Variants in SERBP1 observed in about 807,000 individuals in gnomAD.
SERBP1 encodes SERPINE1 mRNA-binding protein 1.
Under a neutral mutation model 50.2 loss-of-function variants are expected in SERBP1, and 6 were observed. The observed-to-expected ratio is 0.12, with a 90% confidence interval of 0.07 to 0.24. The LOEUF (loss-of-function observed/expected upper bound fraction) is 0.24, where lower values mean the gene tolerates loss of function less well. Ranked by LOEUF, SERBP1 falls within the 10% of genes least tolerant of loss-of-function variation. The pLI, the probability that SERBP1 is intolerant of heterozygous loss-of-function variation, is 1.00. For synonymous variants in SERBP1, 168 were observed against 182.8 expected (o/e 0.92, Z 0.65); for missense variants, 346 against 524.9 (o/e 0.66, Z 3.33).
rs1666848524 is a variant in SERBP1, at chr1:67,411,634, A to G, written c.*1573T>C. The G allele has an allele frequency of 6.6e-6, 1 of 152,216 alleles. No individual in the cohort carries two copies. Among genetic ancestry groups the G allele is most frequent in the Non-Finnish European group, 1.5e-5 (1 of 68,022 alleles). The allele number at this position is 152,216 out of a possible 1,614,324, so 9.4% of individuals were successfully genotyped here. A position where few individuals can be genotyped will look rare whatever the true frequency, so the allele number is the denominator to read the frequency against. Reference sequence around the variant, plus strand: ...TAACTGAGATTAATAAATCTTATCCAAAAAGTAACTCTTATAACATAAAAG... The same window carrying G: ...TAACTGAGATTAATAAATCTTATCCGAAAAGTAACTCTTATAACATAAAAG... On this transcript the variant is annotated 3_prime_UTR_variant, in exon 8 of 8. Coordinates refer to ENST00000361219, the MANE Select transcript of SERBP1 (RefSeq NM_001018069.2).
Position 67,409,432 on chromosome 1 carries a change from C to CACACACACACACA in SERBP1, c.*3774_*3775insTGTGTGTGTGTGT, listed in dbSNP as rs1169640781. 2 of 148,194 alleles carry CACACACACACACA rather than the reference C, an allele frequency of 1.3e-5. No individual in the cohort carries two copies. The highest frequency in any genetic ancestry group is 2.0e-4 in the East Asian group (1 of 5,024). 9.2% of individuals were successfully genotyped at this position (148,194 alleles called of 1,614,324 possible). A position where few individuals can be genotyped will look rare whatever the true frequency, so the allele number is the denominator to read the frequency against. ...ACACACACACACACCCCCACACACA[C>CACACACACACACA]CAGGTCACAGGCTGAACTTTGCTGA... On this transcript the variant is annotated 3_prime_UTR_variant, in exon 8 of 8. Coordinates refer to ENST00000361219, the MANE Select transcript of SERBP1 (RefSeq NM_001018069.2).
rs538355469 is a variant in SERBP1, at chr1:67,429,540, C to A, written c.313+448G>T. 8.4e-5 allele frequency: 13 copies of A among 155,290 alleles called. No individual in the cohort carries two copies. The South Asian group carries it at 2.0e-3, about 24-fold the overall frequency. 9.6% of individuals were successfully genotyped at this position (155,290 alleles called of 1,614,324 possible). ...AAGACGGCAGGACAGGAGCCTGAAA[C>A]AACAGCACCTCAAAGGAGCAGCTCT... On this transcript the variant is annotated intron_variant, in intron 1 of 7. Coordinates refer to ENST00000361219, the MANE Select transcript of SERBP1 (RefSeq NM_001018069.2).
chr1:67,424,929 A>G lies in SERBP1; in HGVS notation c.654T>C (p.Gly218=). The part of the protein sequence containing the change: ...SGLKHEDKRG[G]SGSHNWGTVK... ...CAGTTCCCCAGTTGTGAGATCCGCT[A>G]CCTCCACGTTTGTCCTCGTGCTTCA... is the stretch of plus-strand genomic sequence containing the variant. The change falls in exon 4 of 8, where the codon GGT becomes GGC. Residue 218 remains glycine, a synonymous_variant. Transcript: ENST00000361219. 1.2e-6 allele frequency: 2 copies of G among 1,612,686 alleles called. No homozygotes were observed. The highest frequency in any genetic ancestry group is 8.5e-7 in the Non-Finnish European group (1 of 1,179,896).
Position 67,412,641 on chromosome 1 carries a change from G to A in SERBP1, c.*566C>T, listed in dbSNP as rs1371983365. On this transcript the variant is annotated 3_prime_UTR_variant, in exon 8 of 8. Coordinates refer to ENST00000361219, the MANE Select transcript of SERBP1 (RefSeq NM_001018069.2). ...ACAGCTATCATGAGAAGTGAAAAAA[G>A]ATTTTTCCCCAAAAATGAAAATATT... is the stretch of plus-strand genomic sequence containing the variant. The A allele has an allele frequency of 2.0e-5, 3 of 152,594 alleles. No homozygotes were observed. The highest frequency in any genetic ancestry group is 7.2e-5 in the African/African-American group (3 of 41,406). The allele number at this position is 152,594 out of a possible 1,614,324, so 9.5% of individuals were successfully genotyped here.
At chr1:67,421,997 T>G (rs1176308058) in intron 5 of SERBP1, among the ~76,000 whole-genome samples, 1 of 152,170 alleles carries the variant, frequency 6.6e-6, no homozygotes, top group African/African-American at 2.4e-5. Flanking sequence ...TAGGGTTCAT[T>G]TGTTAAGGCA....
At chr1:67,422,793 C>G (rs1314745809) in intron 5 of SERBP1, among the ~76,000 whole-genome samples, 2 of 149,512 alleles carry the variant, frequency 1.3e-5, no homozygotes, top group Non-Finnish European at 3.0e-5. Context: ...AATCCTGTCT[C>G]TACTAAAAAT....
At chr1:67,425,683 A>C (rs546660425) in intron 2 of SERBP1, among the ~76,000 whole-genome samples, 29 of 152,332 alleles carry the variant, frequency 1.9e-4, no homozygotes, top group African/African-American at 6.7e-4. Context: ...CCATTACAAG[A>C]GACCTAAGTT....
In SERBP1 at chr1:67,420,122, C is replaced by G; in HGVS notation, c.838G>C (p.Ala280Pro). ...PKEMTLDEWK[A>P]IQNKDRAKVE... Reference sequence around the variant, plus strand: ...TTTGCCCGGTCCTTATTTTGAATAGCCTTCCACTCATCCAAAGTCATCTCT... The same window carrying G: ...TTTGCCCGGTCCTTATTTTGAATAGGCTTCCACTCATCCAAAGTCATCTCT... Residue 280 changes from alanine to proline, a missense_variant, in exon 6 of 8, where the codon GCT (alanine) becomes CCT (proline). Around this residue, in one of 5 missense-constraint regions of SERBP1, gnomAD observed 257 missense variants for 331.2 expected, o/e 0.78. Transcript: ENST00000361219. 6.2e-7 allele frequency: 1 copy of G among 1,613,674 alleles called. No homozygotes were observed. The highest frequency in any genetic ancestry group is 8.5e-7 in the Non-Finnish European group (1 of 1,179,708).
At chr1:67,429,933 C>A in intron 1 of SERBP1, 55 bp downstream of exon 1, 2 of 1,499,126 alleles carry the variant, frequency 1.3e-6, no homozygotes, top group Non-Finnish European at 1.8e-6. Flanking sequence ...CAGCCGGCAG[C>A]CCCCTCGCTC....
chr1:67,421,099 A>G (rs1375084254), intron 5 of SERBP1, among the ~76,000 whole-genome samples: 1 of 152,088 alleles, frequency 6.6e-6, no homozygotes. Flanking sequence ...GACAAATGCT[A>G]TCTTAAAAGT....
intron 5 of SERBP1, among the ~76,000 whole-genome samples, chr1:67,422,875 C>T (rs554551685): frequency 6.9e-4 from 105 of 151,954 alleles, no homozygotes; most frequent in South Asian, 2.7e-3. Flanking sequence ...GCAGGAGAAT[C>T]GTTTGAACCC....
At chr1:67,424,382 T>G (rs978138094) in intron 4 of SERBP1, 105 bp from the exon 5 acceptor site, 15 of 1,456,184 alleles carry the variant, frequency 1.0e-5, no homozygotes, top group Non-Finnish European at 1.4e-5. Context: ...TGAAAAGTTC[T>G]TCATACAAAA....
chr1:67,420,345 C>G (rs145750096), intron 5 of SERBP1, 159 bp from the exon 6 acceptor site: 1 of 592,688 alleles, frequency 1.7e-6, no homozygotes, highest in African/African-American at 1.9e-5. Flanking sequence ...AACTAAGCAA[C>G]TTGGTAGAGA....
intron 1 of SERBP1, 39 bp from the exon 2 acceptor site, chr1:67,426,324 T>C: frequency 6.5e-7 from 1 of 1,538,144 alleles, no homozygotes; most frequent in Non-Finnish European, 8.7e-7. Context: ...AAATTATTTT[T>C]GCAATCCAAA....
chr1:67,422,559 C>A (rs931728392), intron 5 of SERBP1, among the ~76,000 whole-genome samples: 1 of 151,858 alleles, frequency 6.6e-6, no homozygotes, highest in African/African-American at 2.4e-5. Flanking sequence ...CTGCCCCTCC[C>A]ACCCCCCAAC....
intron 2 of SERBP1, 64 bp downstream of exon 2, chr1:67,426,071 T>C (rs926586812): frequency 5.7e-6 from 8 of 1,395,442 alleles, no homozygotes; most frequent in Admixed American, 2.2e-5. Context: ...GCCAAGCTTG[T>C]ACCACTGCAC....
chr1:67,423,611 A>C (rs868029531), intron 5 of SERBP1, among the ~76,000 whole-genome samples: 1 of 152,126 alleles, frequency 6.6e-6, no homozygotes, highest in Non-Finnish European at 1.5e-5. Flanking sequence ...TGTCTCAAAA[A>C]AAGAAAAAAA....
intron 7 of SERBP1, among the ~76,000 whole-genome samples, chr1:67,413,804 T>C (rs917607428): frequency 2.0e-5 from 3 of 152,042 alleles, no homozygotes; most frequent in African/African-American, 4.8e-5. Flanking sequence ...ATATGGGTTG[T>C]TTTCTTTTTC....
chr1:67,409,347 C>G lies in SERBP1; in HGVS notation c.*3860G>C, dbSNP rs1666743074. The G allele has an allele frequency of 7.0e-6, 1 of 142,932 alleles. No individual in the cohort carries two copies. The highest frequency in any genetic ancestry group is 1.5e-5 in the Non-Finnish European group (1 of 65,958). The allele number at this position is 142,932 out of a possible 1,614,324, so 8.9% of individuals were successfully genotyped here. On this transcript the variant is annotated 3_prime_UTR_variant, in exon 8 of 8. Transcript: ENST00000361219. ...CTGTGGGTTTTTTTTTTTTTTAATC[C>G]TATACAAGCCTAAAAACCATTCTTA...
Sources: gnomAD v4.1 joint callset for allele counts (sites outside exome capture counted in the v4.1 genomes callset) on GRCh38, gnomAD v4.1.1 for gene constraint, gnomAD v4.1.1 regional missense constraint, MANE v1.5 for transcripts, NCBI Gene and HGNC (gene_info 2026-07-23, HGNC 2026-07-21) for gene names.